KIFC3: variants seen among roughly 807,000 people sequenced by gnomAD.
KIFC3 encodes the protein kinesin family member C3.
Under a neutral mutation model 101.8 loss-of-function variants are expected in KIFC3, and 60 were observed. The ratio of observed to expected loss-of-function variants is 0.59; its 90% CI spans 0.48 to 0.73. KIFC3 has a LOEUF of 0.73. Ranked by LOEUF, KIFC3 falls within the 30% of genes least tolerant of loss-of-function variation. KIFC3 has a pLI of 0.00. For missense variants in KIFC3, 966 were observed against 1,137.1 expected, an observed-to-expected ratio of 0.85 and a Z score of 2.16; for synonymous variants, 476 against 482.7, an observed-to-expected ratio of 0.99 and a Z score of 0.18.
intron 3 of KIFC3, chr16:57,790,792 T>C (rs540817928): frequency 4.5e-5 from 20 of 449,212 alleles, no homozygotes; most frequent in Non-Finnish European, 5.6e-5. Context: ...CACATTTTTT[T>C]ACTTTGACAA....
chr16:57,799,787 G>A (rs2054602450), intron 1 of KIFC3, among the ~76,000 whole-genome samples: 1 of 152,168 alleles, frequency 6.6e-6, no homozygotes, highest in South Asian at 2.1e-4. Context: ...GGAGCTCCAG[G>A]CAAGTATAGA....
chr16:57,829,812 C>A (rs554254770), intron 1 of KIFC3, among the ~76,000 whole-genome samples: 18 of 152,300 alleles, frequency 1.2e-4, no homozygotes, highest in East Asian at 3.9e-4. Flanking sequence ...GGCCACTCAG[C>A]CACAGGCATT....
chr16:57,819,015 G>A (rs2055293507), intron 1 of KIFC3, among the ~76,000 whole-genome samples: 1 of 152,216 alleles, frequency 6.6e-6, no homozygotes, highest in Non-Finnish European at 1.5e-5. Flanking sequence ...TGGGGAGACA[G>A]TAGCAGGTGT....
At chr16:57,775,515 CAG>C in intron 3 of KIFC3, 1 of 987,420 alleles carries the variant, frequency 1.0e-6, no homozygotes, top group Non-Finnish European at 1.2e-6. Context: ...GGCAAGAAGT[CAG>C]AGAGAAACGG....
chr16:57,759,089 A>G (rs2148814661), intron 19 of KIFC3, 36 bp downstream of exon 19: 2 of 1,549,410 alleles, frequency 1.3e-6, no homozygotes, highest in Admixed American at 2.0e-5. Context: ...GCGGGCAGGC[A>G]GGCGGGCAGC....
At chr16:57,840,525 C>T (rs2055782721) in intron 1 of KIFC3, among the ~76,000 whole-genome samples, 1 of 152,050 alleles carries the variant, frequency 6.6e-6, no homozygotes, top group Non-Finnish European at 1.5e-5. Context: ...CTTTGAGAGG[C>T]CAAGGTGGGC....
At chr16:57,841,042 A>G (rs2055797525) in intron 1 of KIFC3, among the ~76,000 whole-genome samples, 1 of 152,180 alleles carries the variant, frequency 6.6e-6, no homozygotes, top group Non-Finnish European at 1.5e-5. Context: ...TTCAGCAAAT[A>G]TTTGCACACC....
intron 1 of KIFC3, among the ~76,000 whole-genome samples, chr16:57,849,018 T>C (rs749491900): frequency 3.9e-5 from 6 of 152,210 alleles, no homozygotes; most frequent in Non-Finnish European, 5.9e-5. Flanking sequence ...CCTGTAGATG[T>C]CATGGTAAGT....
Position 57,785,421 on chromosome 16 carries a change from A to G in KIFC3, c.315+9578T>C, listed in dbSNP as rs782627557. 5.0e-4 allele frequency: 612 copies of G among 1,227,678 alleles called. 4 individuals are homozygous for G. The highest frequency in any genetic ancestry group is 1.1e-4 in the Non-Finnish European group (101 of 943,694). 76.0% of individuals were successfully genotyped at this position (1,227,678 alleles called of 1,614,324 possible). The stretch of plus-strand genomic sequence containing the variant: ...CAGGTGATGTCCTCTGACCTGCTCC[A>G]TAGTGGGCAGTGGCCTCTGCCCATC... On this transcript the variant is annotated intron_variant, in intron 3 of 19. Coordinates refer to ENST00000445690, the MANE Select transcript of KIFC3 (RefSeq NM_001130100.2).
chr16:57,761,425 G>T lies in KIFC3; in HGVS notation c.1860C>A (p.Asp620Glu). 6.2e-7 allele frequency: 1 copy of T among 1,613,958 alleles called. No individual in the cohort carries two copies. The highest frequency in any genetic ancestry group is 1.1e-5 in the South Asian group (1 of 91,082). ...CCCGCCTCCACACCTTGTTGATGTCGTCCACGCTCTGCACTTGGAACTCAG... is the reference window on the plus strand; with the variant it reads ...CCCGCCTCCACACCTTGTTGATGTCTTCCACGCTCTGCACTTGGAACTCAG... ...GLTEFQVQSV[D>E]DINKVFEFGH... Residue 620 changes from aspartate to glutamate, a missense_variant, in exon 14 of 20, where the codon GAC becomes GAA. Physicochemically the swap from Asp to Glu is conservative, Grantham distance 45. This residue lies in a region of KIFC3 where 689 missense variants were observed against 884.6 expected (regional missense o/e 0.78). Coordinates refer to ENST00000445690, the MANE Select transcript of KIFC3 (RefSeq NM_001130100.2).
At chr16:57,842,633 G>A (rs1487682411) in intron 1 of KIFC3, among the ~76,000 whole-genome samples, 6 of 152,050 alleles carry the variant, frequency 3.9e-5, no homozygotes, top group African/African-American at 9.7e-5. Flanking sequence ...AGCCTCTGTC[G>A]TTTGCTTTCT....
At position 57,798,118 on chromosome 16, in the gene KIFC3, C is replaced by G. The variant is rs781784388; in HGVS notation, c.126G>C (p.Pro42=). 1.3e-6 allele frequency: 2 copies of G among 1,577,422 alleles called. No homozygotes were observed. Among genetic ancestry groups the G allele is most frequent in the Non-Finnish European group, 1.7e-6 (2 of 1,162,096 alleles). The change falls in exon 2 of 20, where the codon CCG becomes CCC. Residue 42 remains proline (P), a synonymous_variant. Transcript: ENST00000445690. ...MARPAPAPAS[P]AARPFPHTGP... ...CGGTGTGTGGGAAAGGGCGGGCGGC[C>G]GGGCTGGCTGGGGCTGGGGCGGGGC...
At chr16:57,832,735 T>G (rs2055609377) in intron 1 of KIFC3, among the ~76,000 whole-genome samples, 2 of 152,150 alleles carry the variant, frequency 1.3e-5, no homozygotes, top group African/African-American at 4.8e-5. Context: ...TCAACTAATT[T>G]CAGAAGTCAG....
chr16:57,834,534 C>T (rs2055648266), intron 1 of KIFC3, among the ~76,000 whole-genome samples: 1 of 151,972 alleles, frequency 6.6e-6, no homozygotes, highest in Non-Finnish European at 1.5e-5. Context: ...TTTTTAGAGA[C>T]AGGTTCTCGC....
At position 57,816,780 on chromosome 16, in the gene KIFC3, C is replaced by A. The variant is rs188778851; in HGVS notation, c.109-18498G>T. 398 of 454,744 alleles carry A rather than the reference C, an allele frequency of 8.8e-4. 3 individuals are homozygous for A. Among genetic ancestry groups the A allele is most frequent in the Non-Finnish European group, 3.7e-4 (85 of 226,886 alleles). 28.2% of individuals were successfully genotyped at this position (454,744 alleles called of 1,614,324 possible). On this transcript the variant is annotated intron_variant, in intron 1 of 2. Coordinates refer to the KIFC3 transcript ENST00000563028. ...CACAGGGACAGCCACCCCTTCCAGG[C>A]AGGAGCTCATGGGAAACCAAGACCA...
In KIFC3 at chr16:57,789,269, G is replaced by A. The variant is rs569760276; in HGVS notation, c.315+5730C>T. Among the ~76,000 whole-genome samples, 14 of 152,360 alleles carry A rather than the reference G, an allele frequency of 9.2e-5. No homozygotes were observed. The South Asian group carries it at 1.2e-3, about 14-fold the overall frequency. The stretch of plus-strand genomic sequence containing the variant: ...ACTCTCTCCGCCCCACAGGGCTATC[G>A]AGAGGCCATGGGAAGCCGTCTCCTC... On this transcript the variant is annotated intron_variant, in intron 3 of 19. Coordinates refer to ENST00000445690, the MANE Select transcript of KIFC3 (RefSeq NM_001130100.2).
chr16:57,771,219 C>G lies in KIFC3; in HGVS notation c.744G>C (p.Arg248=). 1.2e-6 allele frequency: 2 copies of G among 1,612,814 alleles called. No homozygotes were observed. The highest frequency in any genetic ancestry group is 1.7e-6 in the Non-Finnish European group (2 of 1,180,008). Residue 248 remains arginine (R), a synonymous_variant, in exon 6 of 20, where the codon CGG becomes CGC. Coordinates refer to ENST00000445690, the MANE Select transcript of KIFC3 (RefSeq NM_001130100.2). ...TCACCTTGACAGGTGGGGACTGGGC[C>G]CGCAGGCTGGCAATGGTCTCGTGGC... is the stretch of plus-strand genomic sequence containing the variant. The part of the protein sequence containing the change: ...RDSHETIASL[R]AQSPPVKYVI...
chr16:57,821,754 G>GA (rs1402169498), intron 1 of KIFC3, among the ~76,000 whole-genome samples: 9 of 151,942 alleles, frequency 5.9e-5, no homozygotes, highest in African/African-American at 2.2e-4. Flanking sequence ...GTTAAAAAAA[G>GA]AAAAAAAATT....
At chr16:57,796,746 G>GCACA (rs138376832) in intron 2 of KIFC3, among the ~76,000 whole-genome samples, 1 of 151,532 alleles carries the variant, frequency 6.6e-6, no homozygotes, top group Non-Finnish European at 1.5e-5. Flanking sequence ...CTATATGCAT[G>GCACA]CACACACACA....
Sources: gnomAD v4.1 joint callset for allele counts (sites outside exome capture counted in the v4.1 genomes callset) on GRCh38, gnomAD v4.1.1 for gene constraint, gnomAD v4.1.1 regional missense constraint, MANE v1.5 for transcripts, NCBI Gene and HGNC (gene_info 2026-07-23, HGNC 2026-07-21) for gene names.